Variants in LAMC3 observed in about 807,000 individuals in gnomAD.
LAMC3 encodes laminin subunit gamma 3.
In LAMC3, 128 loss-of-function variants were observed where a neutral mutation model predicts 173.8. That is an observed-to-expected ratio of 0.74 (90% CI 0.64 to 0.85). The LOEUF is 0.85. Ranked by LOEUF, LAMC3 falls within the 40% of genes least tolerant of loss-of-function variation. The probability of loss-of-function intolerance (pLI) is 0.00; values close to 1 mark genes in which losing one functional copy is unlikely to be tolerated. For synonymous variants in LAMC3, 897 were observed against 909.1 expected (o/e 0.99, Z 0.24); for missense variants, 2,022 against 2,156.0 (o/e 0.94, Z 1.23).
chr9:131,012,082 C>G (rs1833425614), intron 1 of LAMC3, among the ~76,000 whole-genome samples: 1 of 151,898 alleles, frequency 6.6e-6, no homozygotes, highest in African/African-American at 2.4e-5. Flanking sequence ...CACACACACA[C>G]ACACACACAC....
chr9:131,074,184 G>A (rs1830084135), intron 20 of LAMC3, among the ~76,000 whole-genome samples: 2 of 150,908 alleles, frequency 1.3e-5, no homozygotes, highest in Non-Finnish European at 3.0e-5. Context: ...TCCTGACCCC[G>A]TGATCCACCT....
chr9:131,061,080 G>T lies in LAMC3; in HGVS notation c.2204G>T (p.Arg735Leu). ...SHHTEGPSCE[R>L]CLPGFYGNPF... Reference sequence around the variant, plus strand: ...CATACCGAGGGCCCATCCTGTGAACGCTGTTTGCCAGGTTTCTATGGCAAC... The same window carrying T: ...CATACCGAGGGCCCATCCTGTGAACTCTGTTTGCCAGGTTTCTATGGCAAC... Residue 735 changes from arginine to leucine, a missense_variant, in exon 13 of 28, where the codon CGC becomes CTC. Arg to Leu is a moderately radical substitution (Grantham distance 102, BLOSUM62 -2). Coordinates refer to ENST00000361069, the MANE Select transcript of LAMC3 (RefSeq NM_006059.4). 1 of 1,614,128 alleles carries T rather than the reference G, an allele frequency of 6.2e-7. No individual in the cohort carries two copies. The highest frequency in any genetic ancestry group is 8.5e-7 in the Non-Finnish European group (1 of 1,180,014).
intron 9 of LAMC3, among the ~76,000 whole-genome samples, chr9:131,051,104 A>G (rs1372650505): frequency 6.6e-6 from 1 of 152,160 alleles, no homozygotes; most frequent in Non-Finnish European, 1.5e-5. Context: ...GTGTTTCGGG[A>G]GCTGTCCACC....
Position 131,066,969 on chromosome 9 carries a change from G to A in LAMC3, c.2357G>A (p.Cys786Tyr), listed in dbSNP as rs758373669. 2 of 1,613,892 alleles carry A rather than the reference G, an allele frequency of 1.2e-6. No individual in the cohort carries two copies. The highest frequency in any genetic ancestry group is 1.7e-6 in the Non-Finnish European group (2 of 1,180,036). ...CTCCCTCTACACACAGGGCGGCGCT[G>A]TGAGGTCTGTGATGATGGCTTTTTT... is the stretch of plus-strand genomic sequence containing the variant. ...HCPPGQRGRR[C>Y]EVCDDGFFGD... Residue 786 changes from cysteine (C) to tyrosine (Y), a missense_variant, in exon 14 of 28, where the codon TGT becomes TAT. Cys to Tyr is a radical substitution (Grantham distance 194). Coordinates refer to ENST00000361069, the MANE Select transcript of LAMC3 (RefSeq NM_006059.4).
At chr9:131,080,357 C>T (rs557419185) in intron 23 of LAMC3, 49 of 142,966 alleles carry the variant, frequency 3.4e-4, no homozygotes, top group Admixed American at 6.0e-4. Context: ...GGCGCGATCT[C>T]GGCTCACTGC....
chr9:131,080,804 AC>A (rs1267744697), intron 23 of LAMC3, among the ~76,000 whole-genome samples: 1 of 151,886 alleles, frequency 6.6e-6, no homozygotes, highest in Non-Finnish European at 1.5e-5. Context: ...CAGATGCCTC[AC>A]CCCACCACAG....
intron 7 of LAMC3, among the ~76,000 whole-genome samples, chr9:131,043,060 G>A (rs768891959): frequency 6.6e-6 from 1 of 152,212 alleles, no homozygotes; most frequent in South Asian, 2.1e-4. Flanking sequence ...TTGGCCATGA[G>A]CCCTACTATA....
intron 11 of LAMC3, among the ~76,000 whole-genome samples, chr9:131,054,027 A>G (rs1834350488): frequency 6.6e-6 from 1 of 151,826 alleles, no homozygotes; most frequent in African/African-American, 2.4e-5. Flanking sequence ...CAAAACAAAA[A>G]ACAAAACCCC....
intron 6 of LAMC3, among the ~76,000 whole-genome samples, chr9:131,040,430 C>A (rs141778213): frequency 4.6e-5 from 7 of 152,266 alleles, no homozygotes; most frequent in Non-Finnish European, 1.0e-4. Flanking sequence ...CCACCCTCCT[C>A]GGCTTCCCAA....
intron 12 of LAMC3, among the ~76,000 whole-genome samples, chr9:131,060,413 G>A (rs755475639): frequency 2.6e-5 from 4 of 152,182 alleles, no homozygotes; most frequent in African/African-American, 4.8e-5. Flanking sequence ...GAAGGCTGAG[G>A]CGGGCAAATC....
chr9:131,078,153 G>C lies in LAMC3; in HGVS notation c.3777+819G>C, dbSNP rs549835997. On this transcript the variant is annotated intron_variant, in intron 22 of 27. Transcript: ENST00000361069. Reference sequence around the variant, plus strand: ...CTGCATGAACCGGGTCCATCGTGTCGATTCAGTAACCCTGAAATCCCAAAA... The same window carrying C: ...CTGCATGAACCGGGTCCATCGTGTCCATTCAGTAACCCTGAAATCCCAAAA... 1.2e-4 allele frequency among the ~76,000 whole-genome samples: 18 copies of C among 152,170 alleles called. No homozygotes were observed. The East Asian group carries it at 2.9e-3, about 24-fold the overall frequency.
chr9:131,019,733 C>T (rs1482140338), intron 1 of LAMC3, among the ~76,000 whole-genome samples: 1 of 152,118 alleles, frequency 6.6e-6, no homozygotes, highest in Non-Finnish European at 1.5e-5. Context: ...TGCCCTCCTA[C>T]TCAGGAGTCC....
chr9:131,018,023 C>A (rs1833556137), intron 1 of LAMC3, among the ~76,000 whole-genome samples: 1 of 151,878 alleles, frequency 6.6e-6, no homozygotes, highest in Non-Finnish European at 1.5e-5. Flanking sequence ...AAGACTCCAT[C>A]TCAAAAAATA....
At chr9:131,013,771 G>A (rs1441358881) in intron 1 of LAMC3, among the ~76,000 whole-genome samples, 3 of 152,174 alleles carry the variant, frequency 2.0e-5, no homozygotes, top group Non-Finnish European at 4.4e-5. Context: ...TGCAGACACC[G>A]AGAAGACGCT....
In LAMC3 at chr9:131,071,526, C is replaced by T. The variant is rs1283584326; in HGVS notation, c.3112C>T (p.Leu1038Phe). ...CAGACTGACTTTGACGGAGGGGTGG[C>T]TCCAAGGGTCCGACTGTGGCAGTCC... ...KARLTLTEGW[L>F]QGSDCGSPWG... Residue 1038 changes from leucine to phenylalanine, a missense_variant, in exon 18 of 28, where the codon CTC becomes TTC. Physicochemically the swap from Leu to Phe is conservative, Grantham distance 22. Coordinates refer to ENST00000361069, the MANE Select transcript of LAMC3 (RefSeq NM_006059.4). 2.5e-6 allele frequency: 4 copies of T among 1,613,872 alleles called. No individual in the cohort carries two copies. Among genetic ancestry groups the T allele is most frequent in the Non-Finnish European group, 3.4e-6 (4 of 1,179,868 alleles).
At position 131,072,712 on chromosome 9, in the gene LAMC3, C is replaced by T. The variant is rs750320083; in HGVS notation, c.3294C>T (p.Asn1098=). ...KAAREQLQRL[N]KGARCAQAGS... Reference sequence around the variant, plus strand: ...CCCGGGAGCAGCTGCAGAGGCTGAACAAGGGTGCCCGCTGTGCCCAGGCCG... The same window carrying T: ...CCCGGGAGCAGCTGCAGAGGCTGAATAAGGGTGCCCGCTGTGCCCAGGCCG... The change falls in exon 19 of 28, where the codon AAC becomes AAT. Residue 1098 remains asparagine, a synonymous_variant. Transcript: ENST00000361069. 2 of 1,612,298 alleles carry T rather than the reference C, an allele frequency of 1.2e-6. No homozygotes were observed. The highest frequency in any genetic ancestry group is 2.2e-5 in the East Asian group (1 of 44,864).
In LAMC3 at chr9:131,066,992, T is replaced by C; in HGVS notation, c.2380T>C (p.Phe794Leu). 1 of 1,614,018 alleles carries C rather than the reference T, an allele frequency of 6.2e-7. No homozygotes were observed. The highest frequency in any genetic ancestry group is 8.5e-7 in the Non-Finnish European group (1 of 1,180,026). The change falls in exon 14 of 28, where the codon TTT becomes CTT. Residue 794 changes from phenylalanine to leucine, a missense_variant. By Grantham distance (22) the Phe-to-Leu change is conservative. Transcript: ENST00000361069. The stretch of plus-strand genomic sequence containing the variant: ...CTGTGAGGTCTGTGATGATGGCTTT[T>C]TTGGGGACCCGCTGGGGCTCTTTGG... The part of the protein sequence containing the change: ...RRCEVCDDGF[F>L]GDPLGLFGHP...
chr9:131,048,972 C>A, intron 8 of LAMC3, 48 bp from the exon 9 acceptor site: 1 of 1,253,352 alleles, frequency 8.0e-7, no homozygotes, highest in Non-Finnish European at 1.1e-6. Context: ...TGGAGACCAC[C>A]CTCCGGGGCC....
At chr9:131,070,280 G>A (rs1484200423) in intron 17 of LAMC3, among the ~76,000 whole-genome samples, 1 of 152,262 alleles carries the variant, frequency 6.6e-6, no homozygotes, top group African/African-American at 2.4e-5. Flanking sequence ...TCATTGTCAT[G>A]TGTCTGGGCA....
Sources: gnomAD v4.1 joint callset for allele counts (sites outside exome capture counted in the v4.1 genomes callset) on GRCh38, gnomAD v4.1.1 for gene constraint, MANE v1.5 for transcripts, NCBI Gene and HGNC (gene_info 2026-07-23, HGNC 2026-07-21) for gene names.